The following TBCD variants were observed in gnomAD, a reference collection of about 807,000 sequenced individuals.
TBCD encodes tubulin-specific chaperone D.
Under a neutral mutation model 169.3 loss-of-function variants are expected in TBCD, and 105 were observed. That is an observed-to-expected ratio of 0.62 (90% confidence interval 0.53 to 0.73). The LOEUF is 0.73. TBCD is among the 30% of genes least tolerant of loss of function. The pLI is 0.00. For synonymous variants in TBCD, 700 were observed against 643.9 expected, an observed-to-expected ratio of 1.09 and a Z score of -1.32; for missense variants, 1,444 against 1,600.1, an observed-to-expected ratio of 0.90 and a Z score of 1.66.
rs906156285 is a variant in TBCD, at chr17:82,880,563, G to A, written c.1476-3582G>A. ...TTACGTGGAGGAACTGAAAGACCTG[G>A]GTGTGCTGCTGGATGCCCCAAGGAT... On this transcript the variant is annotated intron_variant, in intron 14 of 38. Coordinates refer to ENST00000355528, the MANE Select transcript of TBCD (RefSeq NM_005993.5). The surrounding 1 kb of genome is among the most constrained non-coding windows in gnomAD (Gnocchi z 5.0). Among the ~76,000 whole-genome samples, 16 of 152,216 alleles carry A rather than the reference G, an allele frequency of 1.1e-4. No individual in the cohort carries two copies. Among genetic ancestry groups the A allele is most frequent in the African/African-American group, 3.6e-4 (15 of 41,454 alleles).
At chr17:82,925,707 C>T (rs564889488) in intron 27 of TBCD, among the ~76,000 whole-genome samples, 3 of 152,312 alleles carry the variant, frequency 2.0e-5, no homozygotes, top group Non-Finnish European at 4.4e-5. Flanking sequence ...GCCATGCCAT[C>T]TAAAACTCGC....
At chr17:82,841,749 C>G (rs371378629) in intron 13 of TBCD, among the ~76,000 whole-genome samples, 42 of 152,282 alleles carry the variant, frequency 2.8e-4, no homozygotes, top group Admixed American at 8.5e-4. Flanking sequence ...AGGGCCTGGC[C>G]GAGTGCTGCT....
chr17:82,799,989 T>C (rs1423162105), intron 8 of TBCD, among the ~76,000 whole-genome samples: 1 of 152,166 alleles, frequency 6.6e-6, no homozygotes, highest in Non-Finnish European at 1.5e-5. Context: ...AAGGCAGAGC[T>C]TCCTGCAGGG....
intron 37 of TBCD, among the ~76,000 whole-genome samples, chr17:82,940,862 G>T (rs910766272): frequency 6.6e-6 from 1 of 152,188 alleles, no homozygotes; most frequent in East Asian, 1.9e-4. Flanking sequence ...CCTCCAGCGA[G>T]GCTGGGTCGG....
At chr17:82,812,569 G>A (rs1264559804) in intron 12 of TBCD, among the ~76,000 whole-genome samples, 1 of 152,176 alleles carries the variant, frequency 6.6e-6, no homozygotes, top group Non-Finnish European at 1.5e-5. Context: ...TTTTTGAGAT[G>A]GAGTCTCGCT....
At chr17:82,766,797 A>G (rs2144006132) in intron 4 of TBCD, among the ~76,000 whole-genome samples, 1 of 152,358 alleles carries the variant, frequency 6.6e-6, no homozygotes, top group Middle Eastern at 3.4e-3. Flanking sequence ...GGGAAAAGGC[A>G]CATGGGTGGG....
At chr17:82,918,372 T>G (rs945131166) in intron 23 of TBCD, 1 of 152,238 alleles carries the variant, frequency 6.6e-6, no homozygotes, top group African/African-American at 2.4e-5. Context: ...AGTCTGTCCC[T>G]TCTAGAATAT....
At chr17:82,893,523 C>T (rs368654174) in intron 16 of TBCD, 24 bp from the exon 17 acceptor site, 2 of 1,543,112 alleles carry the variant, frequency 1.3e-6, no homozygotes, top group African/African-American at 2.7e-5. Flanking sequence ...TCTTCTTTTT[C>T]CCCCATTTCC....
At position 82,941,447 on chromosome 17, in the gene TBCD, CCTT is replaced by C. The variant is rs2063248154; in HGVS notation, c.3531_3533del (p.Leu1178del). 5 of 1,603,474 alleles carry C rather than the reference CCTT, an allele frequency of 3.1e-6. No homozygotes were observed. Among genetic ancestry groups the C allele is most frequent in the Non-Finnish European group, 3.4e-6 (4 of 1,176,790 alleles). ...GAGAGCAGCGCAACCGTCTGTGTGA[CCTT>C]CTGGGCGTACCCAGGCCCCAGCTGG... is the stretch of plus-strand genomic sequence containing the variant. On this transcript the variant is annotated inframe_deletion, in exon 38 of 39. Transcript: ENST00000355528.
intron 15 of TBCD, among the ~76,000 whole-genome samples, chr17:82,886,754 C>T (rs573934848): frequency 3.5e-5 from 5 of 142,444 alleles, no homozygotes; most frequent in East Asian, 2.1e-4. Flanking sequence ...ATTGCAACCT[C>T]GGCCTCCCGG....
chr17:82,907,960 G>A, intron 21 of TBCD, 139 bp downstream of exon 21: 1 of 857,364 alleles, frequency 1.2e-6, no homozygotes, highest in South Asian at 1.6e-5. Context: ...TGGGGGACCT[G>A]CGGTGTGATC....
chr17:82,933,278 T>TA (rs1358598722), intron 34 of TBCD, among the ~76,000 whole-genome samples: 1 of 148,582 alleles, frequency 6.7e-6, no homozygotes, highest in African/African-American at 2.5e-5. Flanking sequence ...CCAGTCTTTT[T>TA]TTTTTTTTTT....
chr17:82,881,367 C>T (rs774280802), intron 14 of TBCD, among the ~76,000 whole-genome samples: 70 of 152,208 alleles, frequency 4.6e-4, no homozygotes, highest in Non-Finnish European at 7.9e-4. Flanking sequence ...TCGGTCAGGC[C>T]GCTTGCCGCC....
chr17:82,807,862 C>T (rs986817368), intron 11 of TBCD, among the ~76,000 whole-genome samples, 194 bp downstream of exon 11: 1 of 152,254 alleles, frequency 6.6e-6, no homozygotes, highest in Non-Finnish European at 1.5e-5. Flanking sequence ...CCTCCGTCCT[C>T]CTGCCTCTGG....
intron 6 of TBCD, among the ~76,000 whole-genome samples, chr17:82,775,848 A>C (rs1481619955): frequency 2.6e-5 from 4 of 151,766 alleles, no homozygotes; most frequent in Non-Finnish European, 2.9e-5. Context: ...GTATGTAACT[A>C]ACTTGCACAA....
intron 7 of TBCD, among the ~76,000 whole-genome samples, chr17:82,794,087 G>A (rs1808783733): frequency 6.6e-6 from 1 of 152,234 alleles, no homozygotes; most frequent in African/African-American, 2.4e-5. Flanking sequence ...GAACTGGTGT[G>A]GTGTGGGGGC....
intron 7 of TBCD, among the ~76,000 whole-genome samples, chr17:82,783,476 G>A (rs2049088976): frequency 6.6e-6 from 1 of 152,162 alleles, no homozygotes; most frequent in South Asian, 2.1e-4. Flanking sequence ...TGTCATCATC[G>A]TGAGAGAAAC....
At position 82,800,839 on chromosome 17, in the gene TBCD, C is replaced by T. The variant is rs116778453; in HGVS notation, c.818-25C>T. On this transcript the variant is annotated intron_variant, in intron 8 of 38. Transcript: ENST00000355528. ...CAGAAGATGCCTGCAGCCCTTCCTG[C>T]GCTGAGTCCAGTTCTTGTTTGCAGC... 3,621 of 1,605,866 alleles carry T rather than the reference C, an allele frequency of 2.3e-3. 60 individuals carry two copies. In the African/African-American group the frequency reaches 0.043, roughly 19 times the overall value.
Position 82,942,690 on chromosome 17 carries a change from A to G in TBCD, c.*227A>G. On this transcript the variant is annotated 3_prime_UTR_variant, in exon 39 of 39. Transcript: ENST00000355528. ...TGAACACAAATGTGCTTCCTATAAA[A>G]TCATGTACCAAGAAGTTCCTGCCTT... is the stretch of plus-strand genomic sequence containing the variant. 2 of 608,034 alleles carry G rather than the reference A, an allele frequency of 3.3e-6. No individual in the cohort carries two copies. Among genetic ancestry groups the G allele is most frequent in the South Asian group, 4.0e-5 (2 of 50,318 alleles). The allele number at this position is 608,034 out of a possible 1,614,324, so 37.7% of individuals were successfully genotyped here. A position where few individuals can be genotyped will look rare whatever the true frequency, so the allele number is the denominator to read the frequency against.
Sources: allele counts gnomAD v4.1 joint callset (sites outside exome capture counted in the v4.1 genomes callset), GRCh38; gene constraint gnomAD v4.1.1; non-coding constraint Gnocchi (gnomAD v3.1); transcripts MANE v1.5; gene names NCBI Gene and HGNC (gene_info 2026-07-23, HGNC 2026-07-21).